DNAJC19: variants seen among roughly 807,000 people sequenced by gnomAD.
The protein encoded by DNAJC19 is mitochondrial import inner membrane translocase subunit TIM14.
A neutral mutation model predicts 19.8 loss-of-function variants in DNAJC19; 15 were observed. The observed-to-expected ratio is 0.76, with a 90% CI of 0.51 to 1.17. DNAJC19 has a LOEUF of 1.17. Ranked by LOEUF, DNAJC19 falls within the 50% of genes most tolerant of loss-of-function variation. The pLI is 0.00. For missense variants in DNAJC19, 105 were observed against 140.9 expected (o/e 0.75, Z 1.29); for synonymous variants, 38 against 42.1 (o/e 0.90, Z 0.38).
rs1053659944 is a variant in DNAJC19 at position 180,987,950 on chromosome 3, T to G, written c.129+73A>C. 1.9e-6 allele frequency: 3 copies of G among 1,552,818 alleles called. No homozygotes were observed. In the African/African-American group the frequency reaches 4.1e-5, roughly 21 times the overall value. ...CAATCACTTAGAACTTCATGGATAT[T>G]TGGAAATTTACCCTTCCCTAAGTGT... On this transcript the variant is annotated intron_variant, in intron 3 of 5. Transcript: ENST00000382564.
At chr3:180,987,492 C>T in intron 3 of DNAJC19, 1 of 247,504 alleles carries the variant, frequency 4.0e-6, no homozygotes, top group Non-Finnish European at 7.9e-6. Context: ...TTGGTAAAGC[C>T]TACAATCACT....
intron 3 of DNAJC19, chr3:180,987,422 G>C (rs1714968315): frequency 7.4e-6 from 2 of 272,012 alleles, no homozygotes; most frequent in Non-Finnish European, 1.4e-5. Context: ...AAGACTTTAA[G>C]ATATATATAC....
chr3:180,984,109 A>C lies in DNAJC19; in HGVS notation c.*531T>G. On this transcript the variant is annotated 3_prime_UTR_variant, in exon 6 of 6. Transcript: ENST00000382564. ...ATGTACATAGAATACACACACACAC[A>C]CACCCCTAGGTCAATTTCTTAGGTC... 1 of 454,058 alleles carries C rather than the reference A, an allele frequency of 2.2e-6. No individual in the cohort carries two copies. Among genetic ancestry groups the C allele is most frequent in the South Asian group, 1.6e-5 (1 of 64,478 alleles). 28.1% of individuals were successfully genotyped at this position (454,058 alleles called of 1,614,324 possible).
chr3:180,989,489 C>T (rs1195668652), intron 1 of DNAJC19, 111 bp downstream of exon 1: 3 of 1,542,054 alleles, frequency 1.9e-6, no homozygotes, highest in Non-Finnish European at 2.6e-6. Flanking sequence ...CGAAACCTCC[C>T]GCCCGCAGTC....
chr3:180,987,556 T>C (rs1024681931), intron 3 of DNAJC19: 1 of 260,616 alleles, frequency 3.8e-6, no homozygotes, highest in Non-Finnish European at 7.5e-6. Flanking sequence ...CAGCCAAATC[T>C]ATTCTTAACT....
intron 3 of DNAJC19, chr3:180,987,370 A>G (rs1714966080): frequency 3.1e-6 from 1 of 318,762 alleles, no homozygotes; most frequent in Non-Finnish European, 5.9e-6. Flanking sequence ...TGGCTCAAGA[A>G]CAGAAGTCTT....
intron 3 of DNAJC19, chr3:180,987,700 C>G (rs1396910735): frequency 1.8e-5 from 7 of 388,346 alleles, no homozygotes; most frequent in Non-Finnish European, 3.4e-5. Flanking sequence ...TCATATACCT[C>G]TGTGTGTGCG....
intron 4 of DNAJC19, chr3:180,986,711 A>G (rs1395015604): frequency 1.9e-6 from 1 of 527,068 alleles, no homozygotes; most frequent in East Asian, 3.1e-5. Context: ...ACTCTAGGAA[A>G]AAAGAAAAAG....
rs777982585 is a variant in DNAJC19 at position 180,984,115 on chromosome 3, CT to C, written c.*524del. 1.5e-5 allele frequency: 7 copies of C among 453,848 alleles called. No homozygotes were observed. The highest frequency in any genetic ancestry group is 6.2e-5 in the South Asian group (4 of 64,476). 28.1% of individuals were successfully genotyped at this position (453,848 alleles called of 1,614,324 possible). A position where few individuals can be genotyped will look rare whatever the true frequency, so the allele number is the denominator to read the frequency against. On this transcript the variant is annotated 3_prime_UTR_variant, in exon 6 of 6. Coordinates refer to ENST00000382564, the MANE Select transcript of DNAJC19 (RefSeq NM_145261.4). ...ATAGAATACACACACACACACACCC[CT>C]AGGTCAATTTCTTAGGTCTCAGTTG...
At chr3:180,987,751 A>C (rs933382196) in intron 3 of DNAJC19, 2 of 484,494 alleles carry the variant, frequency 4.1e-6, no homozygotes, top group African/African-American at 3.9e-5. Flanking sequence ...TGTACAGATG[A>C]TGCTGAAGGT....
At position 180,984,499 on chromosome 3, in the gene DNAJC19, C is replaced by A; in HGVS notation, c.*141G>T. On this transcript the variant is annotated 3_prime_UTR_variant, in exon 6 of 6. Transcript: ENST00000382564. ...CTGATTTAAAATCCCCAAATTTAAA[C>A]AAGAAAATTATACCAAGGCTTTGAG... 1 of 696,678 alleles carries A rather than the reference C, an allele frequency of 1.4e-6. No individual in the cohort carries two copies. Among genetic ancestry groups the A allele is most frequent in the Non-Finnish European group, 2.6e-6 (1 of 386,910 alleles). The allele number at this position is 696,678 out of a possible 1,614,324, so 43.2% of individuals were successfully genotyped here.
intron 5 of DNAJC19, 190 bp downstream of exon 5, chr3:180,985,736 G>T: frequency 1.7e-6 from 1 of 597,290 alleles, no homozygotes; most frequent in South Asian, 2.0e-5. Context: ...ACTTACATCT[G>T]CTCATTCTGT....
At chr3:180,988,360 T>C (rs573964352) in intron 1 of DNAJC19, 131 bp from the exon 2 acceptor site, 333 of 1,061,468 alleles carry the variant, frequency 3.1e-4, no homozygotes, top group Non-Finnish European at 3.7e-4. Flanking sequence ...TTTCTTTTTT[T>C]TTTTTTTTTT....
At chr3:180,987,652 G>A in intron 3 of DNAJC19, 1 of 332,662 alleles carries the variant, frequency 3.0e-6, no homozygotes, top group African/African-American at 2.1e-5. Flanking sequence ...ATGTTTGGGA[G>A]TGCCAGGGCC....
At chr3:180,986,099 T>G in intron 4 of DNAJC19, 103 bp from the exon 5 acceptor site, 1 of 914,362 alleles carries the variant, frequency 1.1e-6, no homozygotes, top group Non-Finnish European at 1.8e-6. Flanking sequence ...TGTAGTAAAT[T>G]AACACAACAG....
At chr3:180,989,195 G>A in intron 1 of DNAJC19, 1 of 607,028 alleles carries the variant, frequency 1.6e-6, no homozygotes, top group Non-Finnish European at 2.2e-6. Flanking sequence ...CAGGAAGCAT[G>A]GAGAAGACAT....
At position 180,984,225 on chromosome 3, in the gene DNAJC19, G is replaced by A. The variant is rs763157750; in HGVS notation, c.*415C>T. ...CTGTACCTGGAACAGCCTTTCCACC[G>A]AATAAGAAGAGTCCCTACTTAAACA... is the stretch of plus-strand genomic sequence containing the variant. On this transcript the variant is annotated 3_prime_UTR_variant, in exon 6 of 6. Transcript: ENST00000382564. 1.8e-5 allele frequency: 8 copies of A among 454,038 alleles called. No individual in the cohort carries two copies. Among genetic ancestry groups the A allele is most frequent in the South Asian group, 4.7e-5 (3 of 64,476 alleles). 28.1% of individuals were successfully genotyped at this position (454,038 alleles called of 1,614,324 possible).
chr3:180,987,115 TAA>T, intron 3 of DNAJC19, 93 bp from the exon 4 acceptor site: 3 of 1,169,980 alleles, frequency 2.6e-6, no homozygotes, highest in Non-Finnish European at 3.8e-6. Flanking sequence ...TAAGAAAAAC[TAA>T]GACATTTCAG....
In DNAJC19 at chr3:180,984,510, T is replaced by C; in HGVS notation, c.*130A>G. On this transcript the variant is annotated 3_prime_UTR_variant, in exon 6 of 6. Transcript: ENST00000382564. ...TCCCCAAATTTAAACAAGAAAATTA[T>C]ACCAAGGCTTTGAGATTTAGCTTGT... 5.6e-6 allele frequency: 4 copies of C among 712,604 alleles called. 1 individual carries two copies. The highest frequency in any genetic ancestry group is 3.1e-5 in the South Asian group (2 of 63,824). The allele number at this position is 712,604 out of a possible 1,614,324, so 44.1% of individuals were successfully genotyped here.
Sources: gnomAD v4.1 joint callset for allele counts on GRCh38, gnomAD v4.1.1 for gene constraint, MANE v1.5 for transcripts, NCBI Gene and HGNC (gene_info 2026-07-23, HGNC 2026-07-21) for gene names.